CACNA1C: variants seen among roughly 807,000 people sequenced by gnomAD.
The protein encoded by CACNA1C is calcium voltage-gated channel subunit alpha1 C.
A neutral mutation model predicts 229.0 loss-of-function variants in CACNA1C; 30 were observed. The observed-to-expected ratio is 0.13, with a 90% CI of 0.10 to 0.18. The LOEUF is 0.18. Ranked by LOEUF, CACNA1C falls within the 10% of genes least tolerant of loss-of-function variation. The pLI is 1.00. For synonymous variants in CACNA1C, 1,114 were observed against 1,132.5 expected, an observed-to-expected ratio of 0.98 and a Z score of 0.33; for missense variants, 1,658 against 2,845.0, an observed-to-expected ratio of 0.58 and a Z score of 9.49.
chr12:2,344,556 AATGTGAAGATAC>A (rs1284167751), intron 3 of CACNA1C, among the ~76,000 whole-genome samples: 1 of 152,120 alleles, frequency 6.6e-6, no homozygotes, highest in African/African-American at 2.4e-5. Flanking sequence ...CATTCCAGAG[AATGTGAAGATAC>A]ATGGCCCAAA....
intron 1 of CACNA1C, among the ~76,000 whole-genome samples, chr12:2,066,688 G>A (rs762035689): frequency 1.3e-5 from 2 of 152,156 alleles, no homozygotes; most frequent in African/African-American, 2.4e-5. Context: ...GCACATGAGA[G>A]ATTGGAAATG....
intron 1 of CACNA1C, among the ~76,000 whole-genome samples, chr12:2,114,830 A>G (rs574171759): frequency 6.6e-6 from 1 of 152,208 alleles, no homozygotes; most frequent in Non-Finnish European, 1.5e-5. Flanking sequence ...TCCTTAAACA[A>G]TCATTCTATT....
intron 29 of CACNA1C, 123 bp downstream of exon 29, chr12:2,612,136 C>G (rs1266411103): frequency 1.5e-6 from 1 of 660,812 alleles, no homozygotes; most frequent in African/African-American, 1.8e-5. Context: ...GAAGGACCAT[C>G]CCTGCTCCGA....
rs2093518444 is a variant in CACNA1C at position 2,136,547 on chromosome 12, TCAAC to T, written c.477+16118_477+16121del. Reference sequence around the variant, plus strand: ...ATACGATGCCTTAATTATCAGGCCTTCAACTAGAGTTTATGCAGTGTGTGCGCTT... The same window carrying T: ...ATACGATGCCTTAATTATCAGGCCTTTAGAGTTTATGCAGTGTGTGCGCTT... On this transcript the variant is annotated intron_variant, in intron 3 of 46. Transcript: ENST00000399655. Among the ~76,000 whole-genome samples, 2 of 150,986 alleles carry T rather than the reference TCAAC, an allele frequency of 1.3e-5. 1 individual carries two copies. Among genetic ancestry groups the T allele is most frequent in the Admixed American group, 1.3e-4 (2 of 15,064 alleles).
chr12:2,159,897 C>T (rs1469583426), intron 3 of CACNA1C, among the ~76,000 whole-genome samples: 1 of 152,254 alleles, frequency 6.6e-6, no homozygotes, highest in Non-Finnish European at 1.5e-5. Flanking sequence ...AGCCACCGCT[C>T]CTGGCCTAGA....
At chr12:2,503,247 T>C (rs2099764615) in intron 7 of CACNA1C, among the ~76,000 whole-genome samples, 1 of 152,154 alleles carries the variant, frequency 6.6e-6, no homozygotes, top group Non-Finnish European at 1.5e-5. Context: ...CAGGTGACGC[T>C]GAAGCTGTTC....
At chr12:2,213,972 G>A (rs1341197865) in intron 3 of CACNA1C, among the ~76,000 whole-genome samples, 1 of 118,554 alleles carries the variant, frequency 8.4e-6, no homozygotes, top group Non-Finnish European at 1.7e-5. Flanking sequence ...GCTGAATCGC[G>A]AGTTTGGGAG....
intron 29 of CACNA1C, among the ~76,000 whole-genome samples, chr12:2,628,379 A>C (rs1407033356): frequency 6.6e-6 from 1 of 152,250 alleles, no homozygotes; most frequent in African/African-American, 2.4e-5. Flanking sequence ...CCCTGTCGCC[A>C]ATCCCAAACA....
chr12:2,028,921 A>G (rs2047765355), intron 1 of CACNA1C, among the ~76,000 whole-genome samples: 1 of 152,214 alleles, frequency 6.6e-6, no homozygotes, highest in Admixed American at 6.5e-5. Context: ...AGTTTCCGTT[A>G]GATACTCTGT....
intron 42 of CACNA1C, chr12:2,680,589 T>C (rs928090944): frequency 1.9e-5 from 29 of 1,550,854 alleles, no homozygotes; most frequent in South Asian, 3.6e-5. Context: ...CTTGACATGC[T>C]CGCCCTCCAG....
rs2099697214 is a variant in CACNA1C at position 2,486,354 on chromosome 12, G to C, written c.916+92G>C. 9.3e-7 allele frequency: 1 copy of C among 1,077,078 alleles called. No homozygotes were observed. The highest frequency in any genetic ancestry group is 1.7e-5 in the South Asian group (1 of 57,400). 66.7% of individuals were successfully genotyped at this position (1,077,078 alleles called of 1,614,324 possible). On this transcript the variant is annotated intron_variant, in intron 6 of 46. Coordinates refer to ENST00000399655, the MANE Select transcript of CACNA1C (RefSeq NM_000719.7). The surrounding 1 kb of genome is among the most constrained non-coding windows in gnomAD (Gnocchi z 4.9). Reference sequence around the variant, plus strand: ...GCTGGCTACACCAACATGACCAGCAGAGCCCAGGGAAGGCCCCATTCATTC... The same window carrying C: ...GCTGGCTACACCAACATGACCAGCACAGCCCAGGGAAGGCCCCATTCATTC...
intron 3 of CACNA1C, among the ~76,000 whole-genome samples, chr12:2,367,240 C>T (rs2097749555): frequency 6.6e-6 from 1 of 152,198 alleles, no homozygotes; most frequent in Admixed American, 6.5e-5. Flanking sequence ...CACAATAGTG[C>T]TCGAGCTCTT....
chr12:2,256,086 C>T (rs570869824), intron 3 of CACNA1C, among the ~76,000 whole-genome samples: 190 of 150,264 alleles, frequency 1.3e-3, no homozygotes, highest in African/African-American at 4.7e-3. Context: ...AGTTTACAAT[C>T]ACACCTCCTG....
chr12:2,231,795 T>C (rs2065230798), intron 3 of CACNA1C, among the ~76,000 whole-genome samples: 1 of 152,192 alleles, frequency 6.6e-6, no homozygotes, highest in Non-Finnish European at 1.5e-5. Context: ...ACTAGCACTA[T>C]CTAGAATGTG....
chr12:2,104,416 A>C (rs2077458678), intron 1 of CACNA1C, among the ~76,000 whole-genome samples: 1 of 152,132 alleles, frequency 6.6e-6, no homozygotes, highest in Admixed American at 6.6e-5. Context: ...TTGCACATTG[A>C]TTTTGTATCC....
rs192200526 is a variant in CACNA1C at position 2,430,202 on chromosome 12, A to G, written c.478-18774A>G. On this transcript the variant is annotated intron_variant, in intron 3 of 46. Coordinates refer to ENST00000399655, the MANE Select transcript of CACNA1C (RefSeq NM_000719.7). ...GCCCTCATGACCTAATCACCTCCCA[A>G]AGGCCCCACCTCCTAATACCTTGGG... Among the ~76,000 whole-genome samples the G allele has an allele frequency of 1.2e-3, 177 of 152,206 alleles. 2 individuals carry two copies. The highest frequency in any genetic ancestry group is 3.9e-3 in the African/African-American group (162 of 41,544).
Position 2,639,483 on chromosome 12 carries a change from G to C in CACNA1C, c.3912+5103G>C, listed in dbSNP as rs564031605. On this transcript the variant is annotated intron_variant, in intron 30 of 46. Coordinates refer to ENST00000399655, the MANE Select transcript of CACNA1C (RefSeq NM_000719.7). The surrounding 1 kb of genome is among the most constrained non-coding windows in gnomAD (Gnocchi z 4.2). ...CCTGAATTCCTGCATTATGGACATA[G>C]AGAAACATTCCCAAGTTGTCAATGA... Among the ~76,000 whole-genome samples the C allele has an allele frequency of 2.6e-5, 4 of 152,282 alleles. No homozygotes were observed. The South Asian group carries it at 8.3e-4, about 32-fold the overall frequency.
chr12:2,071,273 C>T (rs1247699717), intron 1 of CACNA1C, among the ~76,000 whole-genome samples: 1 of 150,336 alleles, frequency 6.7e-6, no homozygotes, highest in African/African-American at 2.5e-5. Flanking sequence ...CAGGCTTGAG[C>T]ACAGTGAGTA....
At chr12:2,544,715 C>T (rs2099877876) in intron 9 of CACNA1C, among the ~76,000 whole-genome samples, 1 of 152,212 alleles carries the variant, frequency 6.6e-6, no homozygotes, top group Non-Finnish European at 1.5e-5. Context: ...GTTGTGAAAG[C>T]ATTTTCCCTG....
Sources: gnomAD v4.1 joint callset for allele counts (sites outside exome capture counted in the v4.1 genomes callset) on GRCh38, gnomAD v4.1.1 for gene constraint, Gnocchi (gnomAD v3.1) non-coding constraint, MANE v1.5 for transcripts, NCBI Gene and HGNC (gene_info 2026-07-23, HGNC 2026-07-21) for gene names.